FGD2: variants seen among roughly 807,000 people sequenced by gnomAD.
FGD2 encodes FYVE, RhoGEF and PH domain containing 2.
FGD2 carries 52 observed loss-of-function variants against 75.9 expected under a neutral mutation model. That is an observed-to-expected ratio of 0.69 (90% CI 0.55 to 0.86). The LOEUF (loss-of-function observed/expected upper bound fraction) is 0.86. Among genes scored for constraint, FGD2 ranks in the 40% least tolerant of loss-of-function variants. FGD2 has a pLI of 0.00. For missense variants in FGD2, 790 were observed against 872.0 expected (o/e 0.91, Z 1.18); for synonymous variants, 347 against 348.6 (o/e 1.00, Z 0.05).
intron 15 of FGD2, 171 bp from the exon 16 acceptor site, chr6:37,027,777 A>T: frequency 9.9e-7 from 1 of 1,009,728 alleles, no homozygotes; most frequent in Non-Finnish European, 1.4e-6. Flanking sequence ...CTTTGCCCTC[A>T]GAGGCAGCCA....
In FGD2 at chr6:37,013,764, A is replaced by C. The variant is rs199957582; in HGVS notation, c.683A>C (p.Gln228Pro). ...PLFQEVLTRIQSSEASGSLTL... is the reference protein window; with the variant it reads ...PLFQEVLTRIPSSEASGSLTL... ...TTCCAGGAGGTTCTCACTCGCATCC[A>C]GGTGAGGCTGGGGGAGGGCTGGAGT... The change falls in exon 5 of 16, where the codon CAG becomes CCG. Residue 228 changes from glutamine (Q) to proline (P), a missense_variant and splice_region_variant. Transcript: ENST00000274963. The C allele has an allele frequency of 1.2e-6, 2 of 1,613,870 alleles. No individual in the cohort carries two copies. Among genetic ancestry groups the C allele is most frequent in the East Asian group, 4.5e-5 (2 of 44,886 alleles).
At chr6:37,012,995 T>C (rs937814116) in intron 4 of FGD2, 1 of 145,198 alleles carries the variant, frequency 6.9e-6, no homozygotes, top group East Asian at 2.1e-4. Flanking sequence ...TGTATACATA[T>C]ATATACGTGT....
At chr6:37,007,623 AC>A (rs978152793) in intron 1 of FGD2, among the ~76,000 whole-genome samples, 3 of 152,242 alleles carry the variant, frequency 2.0e-5, no homozygotes, top group Admixed American at 2.0e-4. Flanking sequence ...ACCCATACCA[AC>A]TGCCTTGGCC....
In FGD2 at chr6:37,020,574, T is replaced by C; in HGVS notation, c.1156T>C (p.Ser386Pro). ...RELMDAEFPH[S>P]FLVSGKQRTL... ...GCTGATGGATGCTGAGTTTCCCCAC[T>C]CCTTCCTGGTGTCCGGGAAGCAGCG... Residue 386 changes from serine (S) to proline (P), a missense_variant, in exon 10 of 16, where the codon TCC (serine) becomes CCC (proline). Coordinates refer to ENST00000274963, the MANE Select transcript of FGD2 (RefSeq NM_173558.4). The C allele has an allele frequency of 2.5e-6, 4 of 1,608,938 alleles. No homozygotes were observed. Among genetic ancestry groups the C allele is most frequent in the Non-Finnish European group, 3.4e-6 (4 of 1,178,220 alleles).
chr6:37,017,150 C>T (rs1765338597), intron 9 of FGD2, among the ~76,000 whole-genome samples: 1 of 151,868 alleles, frequency 6.6e-6, no homozygotes, highest in South Asian at 2.1e-4. Context: ...TGAGGTGTCC[C>T]TGTACTTGAG....
chr6:37,025,139 G>C (rs1353170488), intron 13 of FGD2: 1 of 152,442 alleles, frequency 6.6e-6, no homozygotes, highest in Non-Finnish European at 1.5e-5. Flanking sequence ...GCCTTTGGGG[G>C]GTGTCTTCGT....
At chr6:37,008,284 G>A (rs922966072) in intron 1 of FGD2, among the ~76,000 whole-genome samples, 4 of 152,150 alleles carry the variant, frequency 2.6e-5, no homozygotes, top group African/African-American at 9.7e-5. Context: ...CCAGTACACA[G>A]GGTAATAAAG....
In FGD2 at chr6:37,014,717, C is replaced by T. The variant is rs768443660; in HGVS notation, c.882+13C>T. On this transcript the variant is annotated intron_variant, in intron 7 of 15. Transcript: ENST00000274963. ...CATCACTGAGATGGTAAGCAGCCCG[C>T]CCTCTCCTGGAGCCCTGTCCCCCTC... 12 of 1,613,842 alleles carry T rather than the reference C, an allele frequency of 7.4e-6. No homozygotes were observed. In the East Asian group the frequency reaches 2.2e-4, roughly 30 times the overall value.
At chr6:37,018,154 A>G (rs1487101698) in intron 9 of FGD2, among the ~76,000 whole-genome samples, 1 of 152,178 alleles carries the variant, frequency 6.6e-6, no homozygotes, top group African/African-American at 2.4e-5. Context: ...AAAAATAGAG[A>G]TCGACAGATA....
Position 37,028,108 on chromosome 6 carries a change from G to T in FGD2, c.1913G>T (p.Arg638Leu), listed in dbSNP as rs755277545. 1 of 1,611,014 alleles carries T rather than the reference G, an allele frequency of 6.2e-7. No homozygotes were observed. Among genetic ancestry groups the T allele is most frequent in the South Asian group, 1.1e-5 (1 of 90,950 alleles). ...GGCCGCTGGGTGAAGGCCATGGAGC[G>T]GGCGGCCAGTGGCTGGAGCCCCAGC... ...LKGRWVKAME[R>L]AASGWSPSWP... is the part of the protein sequence containing the mutation. Residue 638 changes from arginine (R) to leucine (L), a missense_variant, in exon 16 of 16, where the codon CGG (arginine) becomes CTG (leucine). Coordinates refer to ENST00000274963, the MANE Select transcript of FGD2 (RefSeq NM_173558.4).
At position 37,006,557 on chromosome 6, in the gene FGD2, G is replaced by A. The variant is rs185597822; in HGVS notation, c.68+672G>A. 1.2e-3 allele frequency among the ~76,000 whole-genome samples: 182 copies of A among 152,264 alleles called. 1 individual carries two copies. Among genetic ancestry groups the A allele is most frequent in the Middle Eastern group, 0.01 (3 of 294 alleles). ...CTGGGGCGTCTGTCTGGAGGGAAAA[G>A]GCTGGGCCAGATGCGTGGAGTCATT... On this transcript the variant is annotated intron_variant, in intron 1 of 15. Transcript: ENST00000274963.
chr6:37,014,006 G>A lies in FGD2; in HGVS notation c.729G>A (p.Leu243=), dbSNP rs757940226. The change falls in exon 6 of 16, where the codon CTG becomes CTA. Residue 243 remains leucine, a synonymous_variant. Transcript: ENST00000274963. Reference sequence around the variant, plus strand: ...GCCTGACCCTGCAGCACCACATGCTGGAACCAGTGCAGAGAATTCCACGTT... The same window carrying A: ...GCCTGACCCTGCAGCACCACATGCTAGAACCAGTGCAGAGAATTCCACGTT... ...SGSLTLQHHM[L]EPVQRIPRYE... The A allele has an allele frequency of 6.2e-7, 1 of 1,613,946 alleles. No homozygotes were observed. Among genetic ancestry groups the A allele is most frequent in the African/African-American group, 1.3e-5 (1 of 74,920 alleles).
chr6:37,020,817 T>G (rs1765543459), intron 11 of FGD2, 78 bp downstream of exon 11: 2 of 1,533,374 alleles, frequency 1.3e-6, no homozygotes, highest in Non-Finnish European at 1.8e-6. Context: ...GGTACTAGAC[T>G]ACCTTGATGA....
chr6:37,011,197 C>T, intron 3 of FGD2, 147 bp downstream of exon 3: 8 of 729,920 alleles, frequency 1.1e-5, no homozygotes, highest in Non-Finnish European at 1.9e-5. Flanking sequence ...ACCTCAATGG[C>T]TGGGGTTGGG....
At chr6:37,027,743 T>C (rs145844316) in intron 15 of FGD2, 168 bp downstream of exon 15, 1 of 1,070,410 alleles carries the variant, frequency 9.3e-7, no homozygotes, top group Admixed American at 2.7e-5. Flanking sequence ...TTCAGAATTG[T>C]GCCCTGACTC....
rs989318177 is a variant in FGD2, at chr6:37,020,432, G to C, written c.1123-109G>C. On this transcript the variant is annotated intron_variant, in intron 9 of 15. Coordinates refer to ENST00000274963, the MANE Select transcript of FGD2 (RefSeq NM_173558.4). ...AACAAGCTCTGCATCCCTGTCTCTC[G>C]AATTTGAATTGTCCCTTGGGCACAA... 5 of 1,063,002 alleles carry C rather than the reference G, an allele frequency of 4.7e-6. 1 individual carries two copies. In the Admixed American group the frequency reaches 1.1e-4, roughly 24 times the overall value. 65.8% of individuals were successfully genotyped at this position (1,063,002 alleles called of 1,614,324 possible). A position where few individuals can be genotyped will look rare whatever the true frequency, so the allele number is the denominator to read the frequency against.
At chr6:37,010,221 T>C (rs1288997805) in intron 2 of FGD2, among the ~76,000 whole-genome samples, 1 of 152,056 alleles carries the variant, frequency 6.6e-6, no homozygotes, top group Non-Finnish European at 1.5e-5. Context: ...GAAGGCCAAG[T>C]TCAAGGTGCC....
At position 37,005,724 on chromosome 6, in the gene FGD2, C is replaced by A; in HGVS notation, c.-94C>A. On this transcript the variant is annotated 5_prime_UTR_variant, in exon 1 of 16. Coordinates refer to ENST00000274963, the MANE Select transcript of FGD2 (RefSeq NM_173558.4). ...AGAACAGATTCATGGGTGATTTAGC[C>A]TATCTGTCCCAGGCCAGCGTGGCTG... 7.5e-7 allele frequency: 1 copy of A among 1,336,334 alleles called. No homozygotes were observed. Among genetic ancestry groups the A allele is most frequent in the Non-Finnish European group, 1.1e-6 (1 of 941,086 alleles). 82.8% of individuals were successfully genotyped at this position (1,336,334 alleles called of 1,614,324 possible).
At position 37,011,756 on chromosome 6, in the gene FGD2, A is replaced by G. The variant is rs567811602; in HGVS notation, c.429A>G (p.Pro143=). The change falls in exon 4 of 16, where the codon CCA becomes CCG. Residue 143 remains proline, a synonymous_variant. Coordinates refer to ENST00000274963, the MANE Select transcript of FGD2 (RefSeq NM_173558.4). ...LKTARSSKAF[P]EDVVRVIFSN... ...CAGCCCGCAGCAGCAAGGCCTTCCC[A>G]GAGGATGTGGTCAGGGTCATCTTCT... 1.9e-6 allele frequency: 3 copies of G among 1,614,128 alleles called. No homozygotes were observed. The highest frequency in any genetic ancestry group is 4.5e-5 in the East Asian group (2 of 44,876).
Sources: gnomAD v4.1 joint callset for allele counts (sites outside exome capture counted in the v4.1 genomes callset) on GRCh38, gnomAD v4.1.1 for gene constraint, MANE v1.5 for transcripts, NCBI Gene and HGNC (gene_info 2026-07-23, HGNC 2026-07-21) for gene names.